The following C9orf85 variants were observed in gnomAD, a reference collection of about 807,000 sequenced individuals.
C9orf85 encodes chromosome 9 open reading frame 85, also known as uncharacterized protein C9orf85.
C9orf85 carries 16 observed loss-of-function variants against 14.9 expected under a neutral mutation model. That is an observed-to-expected ratio of 1.08 (90% confidence interval 0.73 to 1.63). C9orf85 has a LOEUF of 1.63. Ranked by LOEUF, C9orf85 falls within the 40% of genes most tolerant of loss-of-function variation. C9orf85 has a pLI of 0.00. For missense variants in C9orf85, 172 were observed against 186.1 expected (o/e 0.92, Z 0.44); for synonymous variants, 45 against 56.8 (o/e 0.79, Z 0.93).
chr9:71,913,965 A>G (rs1711583628), intron 1 of C9orf85, among the ~76,000 whole-genome samples: 1 of 152,200 alleles, frequency 6.6e-6, no homozygotes, highest in African/African-American at 2.4e-5. Context: ...CCACTTCATT[A>G]TTGAAGGTTC....
At chr9:71,981,916 T>C (rs1823103920) in intron 3 of C9orf85, among the ~76,000 whole-genome samples, 1 of 152,206 alleles carries the variant, frequency 6.6e-6, no homozygotes. Flanking sequence ...ATAATTTACA[T>C]GTGTAAGACT....
At chr9:71,956,404 C>G (rs1483050603) in intron 2 of C9orf85, among the ~76,000 whole-genome samples, 2 of 151,968 alleles carry the variant, frequency 1.3e-5, no homozygotes, top group Non-Finnish European at 2.9e-5. Context: ...CATGCACCAC[C>G]ACGCTCAGCT....
At chr9:71,921,615 G>C (rs1827809704) in intron 1 of C9orf85, among the ~76,000 whole-genome samples, 1 of 152,166 alleles carries the variant, frequency 6.6e-6, no homozygotes, top group South Asian at 2.1e-4. Flanking sequence ...ATCCCAACCA[G>C]CCCATCTTGG....
Position 71,911,644 on chromosome 9 carries a change from C to T in C9orf85, c.-91C>T. The T allele has an allele frequency of 1.8e-6, 2 of 1,126,426 alleles. No homozygotes were observed. Among genetic ancestry groups the T allele is most frequent in the Non-Finnish European group, 2.7e-6 (2 of 739,524 alleles). 69.8% of individuals were successfully genotyped at this position (1,126,426 alleles called of 1,614,324 possible). On this transcript the variant is annotated 5_prime_UTR_variant, in exon 1 of 4. Transcript: ENST00000334731. ...GCGTTTGTTTCTTCCGGGTCATTGA[C>T]AGAAGCGTCAATTCCTGGGAGTAGT... is the stretch of plus-strand genomic sequence containing the variant.
chr9:71,927,006 G>A (rs1361132405), intron 1 of C9orf85, among the ~76,000 whole-genome samples: 1 of 152,036 alleles, frequency 6.6e-6, no homozygotes, highest in African/African-American at 2.4e-5. Flanking sequence ...GTGGGAAAAA[G>A]ATGTTACCTA....
At chr9:71,956,735 TG>T (rs1361875992) in intron 2 of C9orf85, among the ~76,000 whole-genome samples, 1 of 151,838 alleles carries the variant, frequency 6.6e-6, no homozygotes, top group African/African-American at 2.4e-5. Context: ...TTTCAAAACC[TG>T]GGGGAAAAAA....
At chr9:71,975,562 T>C (rs538988793), downstream of C9orf85, among the ~76,000 whole-genome samples, 4 of 152,214 alleles carry the variant, frequency 2.6e-5, no homozygotes, top group East Asian at 7.7e-4. Context: ...GCTGGGCGTG[T>C]TGCCTCACGC....
chr9:71,918,406 A>T (rs1439773258), intron 1 of C9orf85: 1 of 1,297,674 alleles, frequency 7.7e-7, no homozygotes, highest in African/African-American at 1.5e-5. Context: ...TTGTCTTTTC[A>T]TCTTTACCTT....
rs762575619 is a variant in C9orf85 at position 71,972,736 on chromosome 9, T to TAG, written c.369_370insGA (p.Ser124GlufsTer19). On this transcript the variant is annotated frameshift_variant, in exon 4 of 4. Transcript: ENST00000334731. LOFTEE classifies it low-confidence loss of function (END_TRUNC). The stretch of plus-strand genomic sequence containing the variant: ...AAAATAGAACATACTGAAAATAATC[T>TAG]AAGTTCCAACCATAGAAGAAGCTGC... 1 of 1,604,680 alleles carries TAG rather than the reference T, an allele frequency of 6.2e-7. No individual in the cohort carries two copies. The highest frequency in any genetic ancestry group is 8.5e-7 in the Non-Finnish European group (1 of 1,173,078).
chr9:71,926,476 A>G (rs1827931211), intron 1 of C9orf85, among the ~76,000 whole-genome samples: 1 of 152,130 alleles, frequency 6.6e-6, no homozygotes, highest in African/African-American at 2.4e-5. Context: ...AATAGAAACC[A>G]TGAAACGCAT....
At chr9:71,925,322 AC>A (rs1827904408) in intron 1 of C9orf85, among the ~76,000 whole-genome samples, 1 of 152,220 alleles carries the variant, frequency 6.6e-6, no homozygotes, top group Non-Finnish European at 1.5e-5. Context: ...GAAGTTCAAG[AC>A]CAGCCTGATC....
intron 2 of C9orf85, among the ~76,000 whole-genome samples, chr9:71,959,957 G>A (rs185225199): frequency 3.3e-5 from 5 of 152,328 alleles, no homozygotes; most frequent in Non-Finnish European, 2.9e-5. Context: ...ACACTGTGTT[G>A]TATGTCAAAA....
chr9:71,913,930 T>G (rs997523829), intron 1 of C9orf85, among the ~76,000 whole-genome samples: 4 of 152,204 alleles, frequency 2.6e-5, no homozygotes, highest in African/African-American at 9.7e-5. Flanking sequence ...AAAAGTCTCA[T>G]TTGTTAATCA....
chr9:71,925,704 T>G (rs1167606998), intron 1 of C9orf85, among the ~76,000 whole-genome samples: 2 of 152,216 alleles, frequency 1.3e-5, no homozygotes, highest in East Asian at 1.9e-4. Context: ...AAGGCCAGAT[T>G]ATCTATAAGA....
At chr9:71,964,612 A>G (rs896667537) in intron 2 of C9orf85, among the ~76,000 whole-genome samples, 9 of 152,110 alleles carry the variant, frequency 5.9e-5, no homozygotes, top group African/African-American at 7.2e-5. Context: ...CTCCGAGCAC[A>G]TCTGAACATC....
rs118084093 is a variant in C9orf85, at chr9:71,955,065, T to G, written c.209+7953T>G. On this transcript the variant is annotated intron_variant, in intron 2 of 3. Coordinates refer to ENST00000334731, the MANE Select transcript of C9orf85 (RefSeq NM_182505.5). ...AAGAATTTCTATACCCCTAAAATGTTGCTTAATAGAGTATCACTGTCCTCA... is the reference window on the plus strand; with the variant it reads ...AAGAATTTCTATACCCCTAAAATGTGGCTTAATAGAGTATCACTGTCCTCA... Among the ~76,000 whole-genome samples, 157 of 152,318 alleles carry G rather than the reference T, an allele frequency of 1.0e-3. 4 individuals carry two copies. In the East Asian group the frequency reaches 0.028, roughly 27 times the overall value.
At chr9:71,931,968 C>G (rs943925801) in intron 1 of C9orf85, among the ~76,000 whole-genome samples, 6 of 152,128 alleles carry the variant, frequency 3.9e-5, no homozygotes, top group African/African-American at 1.2e-4. Flanking sequence ...TAAGGATCAT[C>G]TGGAAAGCTT....
intron 1 of C9orf85, among the ~76,000 whole-genome samples, chr9:71,935,494 A>T (rs1828167106): frequency 1.3e-5 from 2 of 152,056 alleles, no homozygotes; most frequent in Admixed American, 1.3e-4. Flanking sequence ...GCTAAGTGAA[A>T]TAAGCCAGTC....
intron 2 of C9orf85, among the ~76,000 whole-genome samples, chr9:71,959,936 C>A (rs570314361): frequency 2.0e-4 from 30 of 152,306 alleles, no homozygotes; most frequent in Admixed American, 1.5e-3. Flanking sequence ...ATAGCATCCT[C>A]AATGTACAAG....
Sources: allele counts gnomAD v4.1 joint callset (sites outside exome capture counted in the v4.1 genomes callset), GRCh38; gene constraint gnomAD v4.1.1; transcripts MANE v1.5; gene names NCBI Gene and HGNC (gene_info 2026-07-23, HGNC 2026-07-21).